SLC35F1: variants seen among roughly 807,000 people sequenced by gnomAD.
The protein encoded by SLC35F1 is solute carrier family 35 member F1, also known as chromosome 6 open reading frame 169.
In SLC35F1, 14 loss-of-function variants were observed where a neutral mutation model predicts 48.7. The observed-to-expected ratio is 0.29, with a 90% CI of 0.19 to 0.45. The LOEUF is 0.45. Ranked by LOEUF, SLC35F1 falls within the 20% of genes least tolerant of loss-of-function variation. The pLI is 1.00. For synonymous variants in SLC35F1, 190 were observed against 202.2 expected, an observed-to-expected ratio of 0.94 and a Z score of 0.51; for missense variants, 404 against 500.0, an observed-to-expected ratio of 0.81 and a Z score of 1.83.
intron 2 of SLC35F1, among the ~76,000 whole-genome samples, chr6:118,155,040 T>C (rs1774118867): frequency 6.6e-6 from 1 of 151,594 alleles, no homozygotes; most frequent in South Asian, 2.1e-4. Context: ...AAGATACAAA[T>C]TGTAAACACA....
intron 1 of SLC35F1, among the ~76,000 whole-genome samples, chr6:117,941,773 T>C (rs572882062): frequency 6.6e-6 from 1 of 152,326 alleles, no homozygotes; most frequent in South Asian, 2.1e-4. Context: ...TTTAATAGTG[T>C]TTCTTGTTTA....
At chr6:118,169,414 A>G (rs1010009607) in intron 2 of SLC35F1, among the ~76,000 whole-genome samples, 4 of 152,294 alleles carry the variant, frequency 2.6e-5, no homozygotes, top group Non-Finnish European at 5.9e-5. Context: ...TCAACAAATG[A>G]ACTTAAAGAA....
rs547629124 is a variant in SLC35F1, at chr6:117,947,644, C to T, written c.173+39745C>T. Among the ~76,000 whole-genome samples the T allele has an allele frequency of 3.3e-5, 5 of 152,190 alleles. No homozygotes were observed. The South Asian group carries it at 1.0e-3, about 32-fold the overall frequency. On this transcript the variant is annotated intron_variant, in intron 1 of 7. Coordinates refer to ENST00000360388, the MANE Select transcript of SLC35F1 (RefSeq NM_001029858.4). ...AGTTAGAGCCATCAGGATTTCTGTA[C>T]TGATTGGGTGTAAAGTATGAGACAA...
chr6:118,033,490 T>C (rs796802239), intron 1 of SLC35F1, among the ~76,000 whole-genome samples: 58 of 152,306 alleles, frequency 3.8e-4, no homozygotes, highest in African/African-American at 1.4e-3. Flanking sequence ...TAGTTTTTAT[T>C]TTACATATGA....
chr6:118,156,028 A>G (rs532982087), intron 2 of SLC35F1, among the ~76,000 whole-genome samples: 7 of 152,360 alleles, frequency 4.6e-5, no homozygotes, highest in Admixed American at 4.6e-4. Context: ...TAATTTGTTT[A>G]AAGTATTGTA....
intron 1 of SLC35F1, among the ~76,000 whole-genome samples, chr6:118,128,030 C>T (rs1773654159): frequency 6.6e-6 from 1 of 151,134 alleles, no homozygotes; most frequent in African/African-American, 2.4e-5. Context: ...CAAAAGAAGA[C>T]ATTTATGCAG....
At chr6:118,002,747 C>T (rs1777120882) in intron 1 of SLC35F1, among the ~76,000 whole-genome samples, 1 of 151,656 alleles carries the variant, frequency 6.6e-6, no homozygotes, top group South Asian at 2.1e-4. Context: ...AAAAACTTAA[C>T]CTTTTTAATG....
intron 2 of SLC35F1, among the ~76,000 whole-genome samples, chr6:118,205,216 C>T (rs1774920023): frequency 6.6e-6 from 1 of 152,130 alleles, no homozygotes; most frequent in African/African-American, 2.4e-5. Context: ...AGCTTATGGG[C>T]AGATTCTAGT....
intron 6 of SLC35F1, 81 bp from the exon 7 acceptor site, chr6:118,285,103 C>G: frequency 6.7e-7 from 1 of 1,495,720 alleles, no homozygotes; most frequent in Non-Finnish European, 9.2e-7. Context: ...GGTGTGCACT[C>G]TTCCCCTTCT....
intron 1 of SLC35F1, among the ~76,000 whole-genome samples, chr6:117,964,366 C>T (rs1304339776): frequency 6.6e-6 from 1 of 152,232 alleles, no homozygotes; most frequent in South Asian, 2.1e-4. Context: ...TTTACTCTCA[C>T]ATCCAATTTA....
intron 1 of SLC35F1, among the ~76,000 whole-genome samples, chr6:118,122,960 T>C (rs890886170): frequency 1.3e-5 from 2 of 152,100 alleles, no homozygotes; most frequent in Admixed American, 6.6e-5. Context: ...GAAACAGAGA[T>C]GGCTATAGGA....
chr6:118,316,752 G>A lies in SLC35F1; in HGVS notation c.*2500G>A, dbSNP rs912185806. On this transcript the variant is annotated 3_prime_UTR_variant, in exon 8 of 8. Transcript: ENST00000360388. The stretch of plus-strand genomic sequence containing the variant: ...TGACTCCATTGTATGGAAACCAAGT[G>A]TGAATGTTAAGATGAATTTGCCGTA... 1 of 152,180 alleles carries A rather than the reference G, an allele frequency of 6.6e-6. No individual in the cohort carries two copies. Among genetic ancestry groups the A allele is most frequent in the African/African-American group, 2.4e-5 (1 of 41,430 alleles). The allele number at this position is 152,180 out of a possible 1,614,324, so 9.4% of individuals were successfully genotyped here. A position where few individuals can be genotyped will look rare whatever the true frequency, so the allele number is the denominator to read the frequency against.
At chr6:117,943,018 G>T (rs528617788) in intron 1 of SLC35F1, among the ~76,000 whole-genome samples, 1 of 152,020 alleles carries the variant, frequency 6.6e-6, no homozygotes, top group Admixed American at 6.6e-5. Context: ...AATTCTTTCA[G>T]TTCTAACACA....
chr6:117,945,854 C>T (rs1289785838), intron 1 of SLC35F1, among the ~76,000 whole-genome samples: 1 of 151,984 alleles, frequency 6.6e-6, no homozygotes, highest in Non-Finnish European at 1.5e-5. Context: ...ATTATGGTCC[C>T]CCAGAGTGAA....
At chr6:118,141,000 C>T (rs1773881505) in intron 1 of SLC35F1, among the ~76,000 whole-genome samples, 1 of 152,106 alleles carries the variant, frequency 6.6e-6, no homozygotes, top group African/African-American at 2.4e-5. Context: ...AAGAAAGATA[C>T]AGTAAGCTAA....
rs755835187 is a variant in SLC35F1, at chr6:118,212,727, A to AAAGGAAGGAAGGAAGG, written c.350-22731_350-22716dup. The stretch of plus-strand genomic sequence containing the variant: ...AAAGAAGGAAAGGAAGGAAGGAAGG[A>AAAGGAAGGAAGGAAGG]AAGGAAGGAAGGAAGGAAGGAAGGA... On this transcript the variant is annotated intron_variant, in intron 2 of 7. Transcript: ENST00000360388. Among the ~76,000 whole-genome samples, 107 of 93,718 alleles carry AAAGGAAGGAAGGAAGG rather than the reference A, an allele frequency of 1.1e-3. 2 individuals are homozygous for AAAGGAAGGAAGGAAGG. Among genetic ancestry groups the AAAGGAAGGAAGGAAGG allele is most frequent in the East Asian group, 2.4e-3 (8 of 3,322 alleles). The allele number at this position is 93,718 out of a possible 152,430, so 61.5% of individuals were successfully genotyped here.
chr6:118,180,674 GA>G (rs992607296), intron 2 of SLC35F1, among the ~76,000 whole-genome samples: 3 of 152,048 alleles, frequency 2.0e-5, no homozygotes, highest in African/African-American at 7.2e-5. Context: ...GACAAAAATA[GA>G]AAGATGAAAA....
At chr6:117,970,777 T>C (rs1776627666) in intron 1 of SLC35F1, among the ~76,000 whole-genome samples, 1 of 152,180 alleles carries the variant, frequency 6.6e-6, no homozygotes, top group South Asian at 2.1e-4. Flanking sequence ...GTGAGACTTA[T>C]TCACTGTCAC....
intron 2 of SLC35F1, among the ~76,000 whole-genome samples, chr6:118,212,233 C>T (rs1387715718): frequency 6.6e-6 from 1 of 152,138 alleles, no homozygotes; most frequent in Non-Finnish European, 1.5e-5. Context: ...TTGCATCTTG[C>T]ATCTTAAAAA....
Sources: allele counts gnomAD v4.1 joint callset (sites outside exome capture counted in the v4.1 genomes callset), GRCh38; gene constraint gnomAD v4.1.1; transcripts MANE v1.5; gene names NCBI Gene and HGNC (gene_info 2026-07-23, HGNC 2026-07-21).